Variants in A1CF observed in about 807,000 individuals in gnomAD.
A1CF encodes APOBEC1 complementation factor.
A neutral mutation model predicts 68.9 loss-of-function variants in A1CF; 48 were observed. The observed-to-expected ratio is 0.70, with a 90% CI of 0.55 to 0.89. The LOEUF is 0.89. A1CF is among the 40% of genes least tolerant of loss of function. The pLI is 0.00. For synonymous variants in A1CF, 272 were observed against 260.4 expected (o/e 1.04, Z -0.43); for missense variants, 653 against 718.9 (o/e 0.91, Z 1.05).
intron 12 of A1CF, 48 bp from the exon 13 acceptor site, chr10:50,806,928 T>G: frequency 6.3e-7 from 1 of 1,578,186 alleles, no homozygotes; most frequent in Middle Eastern, 1.8e-4. Context: ...TCACATTTGC[T>G]CCCTTTTGGC....
chr10:50,817,483 C>T (rs1216704061), intron 8 of A1CF, among the ~76,000 whole-genome samples: 1 of 152,134 alleles, frequency 6.6e-6, no homozygotes, highest in Non-Finnish European at 1.5e-5. Flanking sequence ...ATTTACCTTA[C>T]TTTTTAGTAG....
At chr10:50,824,046 G>A (rs1350090517) in intron 7 of A1CF, 1 of 152,024 alleles carries the variant, frequency 6.6e-6, no homozygotes, top group Non-Finnish European at 1.5e-5. Context: ...AGTTGTTCAC[G>A]TTCTGAAATT....
rs552782868 is a variant in A1CF, at chr10:50,799,955, T to C, written c.*6774A>G. ...AGTGATAATGATGAATTGATTTAAA[T>C]AGATTTATCTGTAGTCTGTGTGCCC... On this transcript the variant is annotated 3_prime_UTR_variant, in exon 13 of 13. Coordinates refer to ENST00000373997, the MANE Select transcript of A1CF (RefSeq NM_014576.4). The C allele has an allele frequency of 2.6e-4, 40 of 152,284 alleles. No homozygotes were observed. The highest frequency in any genetic ancestry group is 2.1e-3 in the South Asian group (10 of 4,826). The allele number at this position is 152,284 out of a possible 1,614,324, so 9.4% of individuals were successfully genotyped here. A position where few individuals can be genotyped will look rare whatever the true frequency, so the allele number is the denominator to read the frequency against.
rs1345135351 is a variant in A1CF, at chr10:50,799,786, G to T, written c.*6943C>A. 6.6e-6 allele frequency: 1 copy of T among 152,102 alleles called. No individual in the cohort carries two copies. The highest frequency in any genetic ancestry group is 6.5e-5 in the Admixed American group (1 of 15,272). 9.4% of individuals were successfully genotyped at this position (152,102 alleles called of 1,614,324 possible). A position where few individuals can be genotyped will look rare whatever the true frequency, so the allele number is the denominator to read the frequency against. On this transcript the variant is annotated 3_prime_UTR_variant, in exon 13 of 13. Transcript: ENST00000373997. ...TGTTAAACATCTGGAAACTATAAAT[G>T]CATTTTGCTGACAGCTTGCTTTTCA...
chr10:50,828,662 C>T (rs571310196), intron 6 of A1CF, among the ~76,000 whole-genome samples: 1 of 152,126 alleles, frequency 6.6e-6, no homozygotes, highest in South Asian at 2.1e-4. Context: ...GGATTTAGGG[C>T]CCAGATATAG....
intron 6 of A1CF, among the ~76,000 whole-genome samples, chr10:50,832,839 C>A (rs143630422): frequency 1.3e-3 from 192 of 151,618 alleles, no homozygotes; most frequent in African/African-American, 4.5e-3. Flanking sequence ...AGAATATGCA[C>A]TCTTTGAGTG....
intron 1 of A1CF, among the ~76,000 whole-genome samples, chr10:50,874,242 G>A (rs1841403545): frequency 6.6e-6 from 1 of 151,758 alleles, no homozygotes; most frequent in African/African-American, 2.4e-5. Flanking sequence ...TTTTTGTTTT[G>A]TTTGAGGAAA....
In A1CF at chr10:50,801,591, T is replaced by C. The variant is rs1482885037; in HGVS notation, c.*5138A>G. On this transcript the variant is annotated 3_prime_UTR_variant, in exon 13 of 13. Transcript: ENST00000373997. ...TGAATGGGGCTGATATTCTTCATTCTCCAAGAAGGCCTGTGGGCAGCTTAC... is the reference window on the plus strand; with the variant it reads ...TGAATGGGGCTGATATTCTTCATTCCCCAAGAAGGCCTGTGGGCAGCTTAC... 6.6e-6 allele frequency: 1 copy of C among 152,222 alleles called. No homozygotes were observed. Among genetic ancestry groups the C allele is most frequent in the African/African-American group, 2.4e-5 (1 of 41,464 alleles). The allele number at this position is 152,222 out of a possible 1,614,324, so 9.4% of individuals were successfully genotyped here. A position where few individuals can be genotyped will look rare whatever the true frequency, so the allele number is the denominator to read the frequency against.
At chr10:50,859,776 A>T in intron 3 of A1CF, 66 bp downstream of exon 3, 1 of 1,404,224 alleles carries the variant, frequency 7.1e-7, no homozygotes, top group South Asian at 1.2e-5. Context: ...GCATCTTAGG[A>T]CCTCCAATAT....
At position 50,872,828 on chromosome 10, in the gene A1CF, T is replaced by A. The variant is rs12241999; in HGVS notation, c.-93-8748A>T. Among the ~76,000 whole-genome samples the A allele has an allele frequency of 9.4e-3, 1,434 of 152,088 alleles. 30 individuals are homozygous for A. Among genetic ancestry groups the A allele is most frequent in the African/African-American group, 0.033 (1,359 of 41,518 alleles). On this transcript the variant is annotated intron_variant, in intron 1 of 12. Coordinates refer to ENST00000373997, the MANE Select transcript of A1CF (RefSeq NM_014576.4). ...CAGCTGTCTGCTATGCAGAGTCATA[T>A]CTCATTGAAATGTTACTCCTTGGCA...
intron 8 of A1CF, among the ~76,000 whole-genome samples, chr10:50,819,061 G>C (rs10994593): frequency 0.017 from 2,536 of 152,228 alleles, 80 homozygotes; most frequent in African/African-American, 0.057. Flanking sequence ...TGCTGGACCC[G>C]TCTTTGAGAG....
At chr10:50,811,908 G>A (rs964921784) in intron 10 of A1CF, among the ~76,000 whole-genome samples, 17 of 152,094 alleles carry the variant, frequency 1.1e-4, no homozygotes, top group Admixed American at 2.0e-4. Context: ...TGATGCTCTC[G>A]TTAGTCAGCA....
intron 1 of A1CF, among the ~76,000 whole-genome samples, chr10:50,877,691 G>C (rs1841573932): frequency 6.6e-6 from 1 of 152,154 alleles, no homozygotes; most frequent in South Asian, 2.1e-4. Context: ...AAATAATAAA[G>C]TCTTAGAGAT....
Position 50,804,984 on chromosome 10 carries a change from C to T in A1CF, c.*1745G>A, listed in dbSNP as rs772726270. On this transcript the variant is annotated 3_prime_UTR_variant, in exon 13 of 13. Transcript: ENST00000373997. Reference sequence around the variant, plus strand: ...TCTAATGTACAGCCTACTTTGGGAACTACTGTCCTAGGAAATATTAGACGC... The same window carrying T: ...TCTAATGTACAGCCTACTTTGGGAATTACTGTCCTAGGAAATATTAGACGC... 50 of 152,156 alleles carry T rather than the reference C, an allele frequency of 3.3e-4. No homozygotes were observed. Among genetic ancestry groups the T allele is most frequent in the Admixed American group, 1.0e-3 (16 of 15,280 alleles). The allele number at this position is 152,156 out of a possible 1,614,324, so 9.4% of individuals were successfully genotyped here. A position where few individuals can be genotyped will look rare whatever the true frequency, so the allele number is the denominator to read the frequency against.
chr10:50,865,013 C>G (rs373571052), intron 1 of A1CF, among the ~76,000 whole-genome samples: 2 of 152,034 alleles, frequency 1.3e-5, no homozygotes, highest in Non-Finnish European at 2.9e-5. Context: ...ACGATGGGGC[C>G]GGGTGCAGTG....
intron 2 of A1CF, among the ~76,000 whole-genome samples, chr10:50,863,729 G>T (rs1406392884): frequency 2.0e-5 from 3 of 152,088 alleles, no homozygotes; most frequent in Non-Finnish European, 4.4e-5. Context: ...GGCTGAGAAA[G>T]GTAGTGGGGA....
intron 5 of A1CF, among the ~76,000 whole-genome samples, chr10:50,837,059 T>C (rs1839535838): frequency 6.6e-6 from 1 of 152,134 alleles, no homozygotes; most frequent in South Asian, 2.1e-4. Flanking sequence ...TTTTCTTTTG[T>C]AGCCAAAGAG....
intron 8 of A1CF, among the ~76,000 whole-genome samples, chr10:50,818,751 T>C (rs1203761808): frequency 6.6e-6 from 1 of 152,202 alleles, no homozygotes; most frequent in East Asian, 1.9e-4. Flanking sequence ...TCAGAGTGAA[T>C]ACTTTCTCCA....
At chr10:50,865,633 G>T (rs1840955160) in intron 1 of A1CF, among the ~76,000 whole-genome samples, 1 of 152,040 alleles carries the variant, frequency 6.6e-6, no homozygotes, top group Non-Finnish European at 1.5e-5. Context: ...CTGCCACTTG[G>T]CCTTCCCATG....
Sources: allele counts gnomAD v4.1 joint callset (sites outside exome capture counted in the v4.1 genomes callset), GRCh38; gene constraint gnomAD v4.1.1; transcripts MANE v1.5; gene names NCBI Gene and HGNC (gene_info 2026-07-23, HGNC 2026-07-21).